Variants in RBFOX1 observed in about 807,000 individuals in gnomAD.
The protein encoded by RBFOX1 is RNA binding protein fox-1 homolog 1.
RBFOX1 carries 8 observed loss-of-function variants against 57.7 expected under a neutral mutation model. The observed-to-expected ratio is 0.14, with a 90% CI of 0.08 to 0.25. RBFOX1 has a LOEUF of 0.25. Among genes scored for constraint, RBFOX1 ranks in the 10% least tolerant of loss-of-function variants. The probability of loss-of-function intolerance (pLI) is 1.00; values close to 1 mark genes in which losing one functional copy is unlikely to be tolerated. For missense variants in RBFOX1, 611 were observed against 548.5 expected (o/e 1.11, Z -1.14); for synonymous variants, 326 against 222.4 (o/e 1.47, Z -4.15).
At chr16:7,456,771 G>A (rs1170730115) in intron 4 of RBFOX1, among the ~76,000 whole-genome samples, 1 of 152,190 alleles carries the variant, frequency 6.6e-6, no homozygotes, top group Non-Finnish European at 1.5e-5. Context: ...TGCAGTGGTA[G>A]CAATTGCAGG....
At chr16:6,556,610 T>G (rs917219057) in intron 2 of RBFOX1, among the ~76,000 whole-genome samples, 1 of 152,172 alleles carries the variant, frequency 6.6e-6, no homozygotes, top group Non-Finnish European at 1.5e-5. Context: ...TAGATTAATA[T>G]ATAGCCTGAG....
chr16:5,853,157 A>C (rs1266944231), intron 3 of RBFOX1, among the ~76,000 whole-genome samples: 1 of 152,068 alleles, frequency 6.6e-6, no homozygotes, highest in African/African-American at 2.4e-5. Flanking sequence ...ATAGGGGCAG[A>C]GCAAGGAGGG....
At chr16:5,464,400 T>A (rs2068890257) in intron 1 of RBFOX1, among the ~76,000 whole-genome samples, 1 of 152,144 alleles carries the variant, frequency 6.6e-6, no homozygotes. Context: ...AGGAAACGCC[T>A]TAGGAAAAGA....
chr16:7,039,818 C>T (rs1478725), intron 3 of RBFOX1, among the ~76,000 whole-genome samples: 124,234 of 152,066 alleles, frequency 0.82, 51,371 homozygotes, highest in East Asian at 0.94. Context: ...AAACATTACA[C>T]ATGAGACCCT....
At chr16:7,164,978 C>T (rs188029939) in intron 4 of RBFOX1, among the ~76,000 whole-genome samples, 515 of 152,262 alleles carry the variant, frequency 3.4e-3, no homozygotes, top group Middle Eastern at 6.8e-3. Flanking sequence ...AGTAACCTCT[C>T]CCTGAATTTG....
At chr16:5,597,210 C>T (rs2047210156) in intron 2 of RBFOX1, among the ~76,000 whole-genome samples, 1 of 151,380 alleles carries the variant, frequency 6.6e-6, no homozygotes, top group Admixed American at 6.6e-5. Context: ...CTTTGTCTCT[C>T]TCTCTTTTTA....
At chr16:5,895,190 T>G (rs971439961) in intron 4 of RBFOX1, among the ~76,000 whole-genome samples, 1 of 152,230 alleles carries the variant, frequency 6.6e-6, no homozygotes, top group Non-Finnish European at 1.5e-5. Flanking sequence ...TTGCCTGCTA[T>G]AAATGCTGAG....
intron 4 of RBFOX1, among the ~76,000 whole-genome samples, chr16:7,192,114 A>G (rs2085539275): frequency 6.6e-6 from 1 of 152,164 alleles, no homozygotes; most frequent in African/African-American, 2.4e-5. Flanking sequence ...ATAAAAAAAG[A>G]AGCAAAAAAT....
At chr16:7,254,975 T>C (rs2094619530) in intron 4 of RBFOX1, among the ~76,000 whole-genome samples, 1 of 152,166 alleles carries the variant, frequency 6.6e-6, no homozygotes. Context: ...GAAGGTGTTT[T>C]CCACAGTTTT....
intron 5 of RBFOX1, among the ~76,000 whole-genome samples, chr16:7,542,347 C>CAT (rs1335645368): frequency 7.2e-5 from 11 of 152,180 alleles, no homozygotes; most frequent in African/African-American, 2.7e-4. Context: ...ATACGCCAGA[C>CAT]CCGTAACTTC....
intron 13 of RBFOX1, among the ~76,000 whole-genome samples, chr16:7,673,393 C>T (rs181612108): frequency 6.6e-6 from 1 of 152,202 alleles, no homozygotes; most frequent in East Asian, 1.9e-4. Flanking sequence ...ACCATTAATA[C>T]CCCACAAGCA....
At chr16:7,414,759 A>G (rs1320399130) in intron 4 of RBFOX1, among the ~76,000 whole-genome samples, 1 of 152,162 alleles carries the variant, frequency 6.6e-6, no homozygotes, top group Non-Finnish European at 1.5e-5. Flanking sequence ...CTGGGATTAC[A>G]GGCGTGTGCC....
At chr16:7,513,496 C>G (rs527450989) in intron 4 of RBFOX1, among the ~76,000 whole-genome samples, 4 of 152,248 alleles carry the variant, frequency 2.6e-5, no homozygotes, top group African/African-American at 7.2e-5. Context: ...GATTCTGGAC[C>G]TTGGCACTAT....
At chr16:7,216,681 C>T (rs552589683) in intron 4 of RBFOX1, among the ~76,000 whole-genome samples, 2 of 151,716 alleles carry the variant, frequency 1.3e-5, no homozygotes, top group South Asian at 4.2e-4. Flanking sequence ...TTAAAAAACC[C>T]ACAAACAAAC....
chr16:6,994,329 T>A, intron 3 of RBFOX1, among the ~76,000 whole-genome samples: 1 of 152,168 alleles, frequency 6.6e-6, no homozygotes, highest in East Asian at 1.9e-4. Context: ...TGTAAGTGTC[T>A]AGAGTCTAAT....
At chr16:7,613,069 T>C (rs549987877) in intron 10 of RBFOX1, among the ~76,000 whole-genome samples, 72 of 152,252 alleles carry the variant, frequency 4.7e-4, no homozygotes, top group African/African-American at 1.3e-3. Context: ...AGATCTAAGA[T>C]ATAGTTAGGT....
rs1032302474 is a variant in RBFOX1 at position 5,500,086 on chromosome 16, C to G, written c.258+32832C>G. Among the ~76,000 whole-genome samples the G allele has an allele frequency of 1.1e-4, 16 of 150,978 alleles. 1 individual carries two copies. Among genetic ancestry groups the G allele is most frequent in the Admixed American group, 7.9e-4 (12 of 15,138 alleles). ...CCTAATCATCAGCCTGCCTTCCTGC[C>G]TTCCCTCCATTCCCTCCCTTCCCTC... On this transcript the variant is annotated intron_variant, in intron 2 of 2. Coordinates refer to the RBFOX1 transcript ENST00000585867.
chr16:7,300,844 C>T (rs1301816452), intron 4 of RBFOX1, among the ~76,000 whole-genome samples: 1 of 152,172 alleles, frequency 6.6e-6, no homozygotes, highest in Non-Finnish European at 1.5e-5. Context: ...GCCAATTTTC[C>T]TGCACTTTTT....
chr16:5,299,709 T>C lies in RBFOX1; in HGVS notation c.219+59604T>C, dbSNP rs74003860. ...CTTTTTGTGGATTTCATGGGGTTTT[T>C]TGATGTATACAATCATGCCATTTGC... On this transcript the variant is annotated intron_variant, in intron 1 of 2. Transcript: ENST00000585867. Among the ~76,000 whole-genome samples the C allele has an allele frequency of 4.5e-3, 681 of 152,332 alleles. 6 individuals carry two copies. Among genetic ancestry groups the C allele is most frequent in the African/African-American group, 0.015 (621 of 41,574 alleles).
Sources: allele counts gnomAD v4.1 joint callset (sites outside exome capture counted in the v4.1 genomes callset), GRCh38; gene constraint gnomAD v4.1.1; transcripts MANE v1.5; gene names NCBI Gene and HGNC (gene_info 2026-07-23, HGNC 2026-07-21).